Variants in CCSER1 observed in about 807,000 individuals in gnomAD.
The protein encoded by CCSER1 is coiled-coil serine rich protein 1.
CCSER1 carries 41 observed loss-of-function variants against 82.0 expected under a neutral mutation model. The observed-to-expected ratio is 0.50, with a 90% CI of 0.39 to 0.65. The LOEUF (loss-of-function observed/expected upper bound fraction) is 0.65, where lower values mean the gene tolerates loss of function less well. Ranked by LOEUF, CCSER1 falls within the 30% of genes least tolerant of loss-of-function variation. The pLI, the probability that CCSER1 is intolerant of heterozygous loss-of-function variation, is 0.00. For missense variants in CCSER1, 1,119 were observed against 1,064.2 expected (o/e 1.05, Z -0.72); for synonymous variants, 414 against 383.9 (o/e 1.08, Z -0.92).
chr4:90,750,053 C>T (rs4362789), intron 7 of CCSER1, among the ~76,000 whole-genome samples: 39,542 of 151,818 alleles, frequency 0.26, 5,916 homozygotes, highest in East Asian at 0.34. Context: ...TGATGGTGAG[C>T]ATTTTTTCAT....
chr4:90,980,741 G>C (rs574509958), intron 9 of CCSER1, among the ~76,000 whole-genome samples: 1 of 151,564 alleles, frequency 6.6e-6, no homozygotes. Context: ...ATGGAAAGAC[G>C]TACTCGAAGG....
At position 90,468,370 on chromosome 4, in the gene CCSER1, A is replaced by G; in HGVS notation, c.1724+16A>G. 1 of 1,596,206 alleles carries G rather than the reference A, an allele frequency of 6.3e-7. No homozygotes were observed. Among genetic ancestry groups the G allele is most frequent in the Non-Finnish European group, 8.5e-7 (1 of 1,171,196 alleles). On this transcript the variant is annotated intron_variant, in intron 5 of 10. Transcript: ENST00000509176. ...CTTCCAAACAGTGAGTTGTTCATTTAATTTTTCAAGGCCTTGTAAAATCAA... is the reference window on the plus strand; with the variant it reads ...CTTCCAAACAGTGAGTTGTTCATTTGATTTTTCAAGGCCTTGTAAAATCAA...
chr4:90,780,353 A>G, intron 7 of CCSER1: 1 of 1,294,392 alleles, frequency 7.7e-7, no homozygotes, highest in Admixed American at 2.0e-5. Flanking sequence ...AGAACATTTA[A>G]GTTTCATTGA....
At chr4:91,068,032 A>C (rs1398641565) in intron 9 of CCSER1, among the ~76,000 whole-genome samples, 1 of 152,210 alleles carries the variant, frequency 6.6e-6, no homozygotes, top group Non-Finnish European at 1.5e-5. Context: ...TCTCCTTACT[A>C]TAACAAATAA....
intron 9 of CCSER1, among the ~76,000 whole-genome samples, chr4:90,984,926 G>T (rs977878677): frequency 6.6e-6 from 1 of 151,608 alleles, no homozygotes; most frequent in East Asian, 1.9e-4. Context: ...TCCACTGTCT[G>T]ACTTATTTCC....
chr4:91,219,907 C>G (rs1737602034), intron 10 of CCSER1, among the ~76,000 whole-genome samples: 1 of 152,108 alleles, frequency 6.6e-6, no homozygotes, highest in African/African-American at 2.4e-5. Context: ...ATAGAAATTT[C>G]TATGTAGAGT....
At chr4:91,529,457 G>T (rs1760919392) in intron 10 of CCSER1, among the ~76,000 whole-genome samples, 1 of 151,908 alleles carries the variant, frequency 6.6e-6, no homozygotes, top group Non-Finnish European at 1.5e-5. Flanking sequence ...TAATTTAATT[G>T]GTTTGCTTTC....
chr4:90,147,390 C>T (rs1726009992), intron 1 of CCSER1, among the ~76,000 whole-genome samples: 1 of 152,142 alleles, frequency 6.6e-6, no homozygotes, highest in South Asian at 2.1e-4. Context: ...TATATAACTG[C>T]TTATTAGGTC....
intron 7 of CCSER1, among the ~76,000 whole-genome samples, chr4:90,737,353 C>T (rs191419819): frequency 6.6e-6 from 1 of 152,208 alleles, no homozygotes; most frequent in East Asian, 1.9e-4. Flanking sequence ...ATCTTTATTT[C>T]TCCTTTATAT....
chr4:91,331,018 GA>G (rs1560593603), intron 10 of CCSER1, among the ~76,000 whole-genome samples: 1 of 152,032 alleles, frequency 6.6e-6, no homozygotes, highest in African/African-American at 2.4e-5. Flanking sequence ...TATTATACAG[GA>G]AAAACCATAG....
intron 10 of CCSER1, among the ~76,000 whole-genome samples, chr4:91,357,990 T>A (rs886589304): frequency 1.1e-4 from 17 of 150,954 alleles, no homozygotes; most frequent in African/African-American, 4.1e-4. Flanking sequence ...ATAATACATG[T>A]TACACTGTTA....
intron 9 of CCSER1, among the ~76,000 whole-genome samples, chr4:90,932,970 GAAAGAAAGAAAGAGAAAGAAAGAAAGAA>G (rs1730188421): frequency 1.6e-4 from 5 of 31,952 alleles, no homozygotes; most frequent in Admixed American, 3.4e-4. Context: ...AAGAAAGAAA[GAAAGAAAGAAAGAGAAAGAAAGAAAGAA>G]AGAAAGAAAG....
intron 1 of CCSER1, among the ~76,000 whole-genome samples, chr4:90,177,190 G>T (rs1732871036): frequency 6.6e-6 from 1 of 152,066 alleles, no homozygotes; most frequent in African/African-American, 2.4e-5. Context: ...CTATCAAAGT[G>T]CAGTTCATTT....
At chr4:90,834,596 C>A (rs1031873167) in intron 8 of CCSER1, among the ~76,000 whole-genome samples, 1 of 152,068 alleles carries the variant, frequency 6.6e-6, no homozygotes, top group Non-Finnish European at 1.5e-5. Context: ...TGTATTAAAT[C>A]TTATAGTATC....
chr4:91,187,713 C>T (rs564550302), intron 10 of CCSER1, among the ~76,000 whole-genome samples: 18 of 152,108 alleles, frequency 1.2e-4, no homozygotes, highest in South Asian at 6.2e-4. Context: ...CTACCATGAC[C>T]GGCTAATTTT....
chr4:91,394,088 A>G (rs931796428), intron 10 of CCSER1, among the ~76,000 whole-genome samples: 4 of 152,104 alleles, frequency 2.6e-5, no homozygotes, highest in African/African-American at 9.7e-5. Flanking sequence ...AGTACCTCAG[A>G]ATAAGGTGAT....
At chr4:90,925,132 A>T (rs990968709) in intron 9 of CCSER1, among the ~76,000 whole-genome samples, 7 of 152,182 alleles carry the variant, frequency 4.6e-5, no homozygotes, top group Non-Finnish European at 7.4e-5. Flanking sequence ...CAAGACAGAG[A>T]GTTTGTTCAA....
chr4:91,123,797 A>G (rs182974019), intron 10 of CCSER1, among the ~76,000 whole-genome samples: 1 of 151,846 alleles, frequency 6.6e-6, no homozygotes, highest in Non-Finnish European at 1.5e-5. Flanking sequence ...AAAAAGAATA[A>G]TTTTTTTCTG....
chr4:90,869,312 T>G (rs1311898788), intron 8 of CCSER1, among the ~76,000 whole-genome samples: 1 of 152,082 alleles, frequency 6.6e-6, no homozygotes, highest in Non-Finnish European at 1.5e-5. Context: ...AATGCATTCT[T>G]TTAGCAGTTT....
Sources: allele counts gnomAD v4.1 joint callset (sites outside exome capture counted in the v4.1 genomes callset), GRCh38; gene constraint gnomAD v4.1.1; transcripts MANE v1.5; gene names NCBI Gene and HGNC (gene_info 2026-07-23, HGNC 2026-07-21).